Variants in HMGXB4 observed in about 807,000 individuals in gnomAD.
The protein encoded by HMGXB4 is HMG domain-containing protein 4.
A neutral mutation model predicts 63.9 loss-of-function variants in HMGXB4; 27 were observed. The observed-to-expected ratio is 0.42, with a 90% CI of 0.31 to 0.58. The LOEUF is 0.58. HMGXB4 is among the 20% of genes least tolerant of loss of function. HMGXB4 has a pLI of 0.13. For missense variants in HMGXB4, 624 were observed against 700.7 expected, an observed-to-expected ratio of 0.89 and a Z score of 1.24; for synonymous variants, 264 against 265.3, an observed-to-expected ratio of 0.99 and a Z score of 0.05.
chr22:35,282,181 T>G (rs186522329), intron 5 of HMGXB4, among the ~76,000 whole-genome samples: 27 of 152,270 alleles, frequency 1.8e-4, no homozygotes, highest in Non-Finnish European at 3.8e-4. Flanking sequence ...CATGTCATAT[T>G]TTTTGTTGTT....
At chr22:35,292,969 C>T in intron 9 of HMGXB4, 23 bp from the exon 10 acceptor site, 2 of 1,614,132 alleles carry the variant, frequency 1.2e-6, no homozygotes, top group Non-Finnish European at 8.5e-7. Flanking sequence ...GTGACTCAAG[C>T]AACAACCTCC....
intron 4 of HMGXB4, chr22:35,264,096 G>C: frequency 6.6e-7 from 1 of 1,519,498 alleles, no homozygotes; most frequent in Non-Finnish European, 8.9e-7. Flanking sequence ...TGATACACCA[G>C]GTACCAGGTT....
At chr22:35,243,259 A>T in the HMGXB4 span, among the ~76,000 whole-genome samples, 1 of 152,054 alleles carries the variant, frequency 6.6e-6, no homozygotes, top group Admixed American at 6.6e-5. Flanking sequence ...AATCCCAACT[A>T]CTTGGGAGGC....
the HMGXB4 span, among the ~76,000 whole-genome samples, chr22:35,245,360 T>C: frequency 6.6e-6 from 1 of 151,198 alleles, no homozygotes; most frequent in African/African-American, 2.4e-5. Flanking sequence ...GACTATCTTT[T>C]TTCTCTTTTT....
At chr22:35,272,677 C>G (rs1243910864) in intron 5 of HMGXB4, among the ~76,000 whole-genome samples, 2 of 152,174 alleles carry the variant, frequency 1.3e-5, no homozygotes, top group Admixed American at 6.5e-5. Flanking sequence ...TGGCTCACAC[C>G]TGTAATCCAG....
chr22:35,259,577 C>A (rs1364840856), intron 1 of HMGXB4, among the ~76,000 whole-genome samples: 2 of 152,206 alleles, frequency 1.3e-5, no homozygotes, highest in African/African-American at 4.8e-5. Context: ...CTGAACTCTG[C>A]CTTTCTTTCA....
intron 1 of HMGXB4, among the ~76,000 whole-genome samples, chr22:35,261,505 G>A (rs1405153957): frequency 6.6e-6 from 1 of 150,982 alleles, no homozygotes; most frequent in Non-Finnish European, 1.5e-5. Context: ...AAGTCAAAAT[G>A]GACATATAAA....
intron 4 of HMGXB4, 91 bp downstream of exon 4, chr22:35,263,965 A>C: frequency 6.3e-7 from 1 of 1,586,406 alleles, no homozygotes; most frequent in Non-Finnish European, 8.6e-7. Context: ...TTGCTGACTC[A>C]GTGGCCTATT....
intron 5 of HMGXB4, among the ~76,000 whole-genome samples, chr22:35,281,429 A>G (rs1924238803): frequency 6.6e-6 from 1 of 152,232 alleles, no homozygotes; most frequent in African/African-American, 2.4e-5. Context: ...AAAGTCCTTT[A>G]TAAGAGTTAT....
Position 35,264,673 on chromosome 22 carries a change from GAAGAAA to G in HMGXB4, c.295_300del (p.Lys99_Lys100del), listed in dbSNP as rs1233494754. On this transcript the variant is annotated inframe_deletion, in exon 5 of 11. Coordinates refer to ENST00000216106, the MANE Select transcript of HMGXB4 (RefSeq NM_001003681.3). ...ATATTTCGTCTTTGGAATCGTCACA[GAAGAAA>G]AAGAAAAAGTCCAGCCCACAGTCTA... is the stretch of plus-strand genomic sequence containing the variant. The G allele has an allele frequency of 1.3e-6, 2 of 1,577,470 alleles. No homozygotes were observed. The highest frequency in any genetic ancestry group is 1.7e-6 in the Non-Finnish European group (2 of 1,165,566).
Position 35,265,415 on chromosome 22 carries a change from A to G in HMGXB4, c.1027A>G (p.Lys343Glu). 6.2e-7 allele frequency: 1 copy of G among 1,614,196 alleles called. No individual in the cohort carries two copies. Among genetic ancestry groups the G allele is most frequent in the Non-Finnish European group, 8.5e-7 (1 of 1,180,036 alleles). The part of the protein sequence containing the change: ...KHKEKRHSKS[K>E]RSLGLSAVPV... ...TAAAGAGAAGCGACACTCCAAGTCC[A>G]AGAGAAGTTTAGGACTTTCTGCCGT... is the stretch of plus-strand genomic sequence containing the variant. The change falls in exon 5 of 11, where the codon AAG becomes GAG. Residue 343 changes from lysine to glutamate, a missense_variant. By Grantham distance (56) the Lys-to-Glu change is moderately conservative. Around this residue, in one of 2 missense-constraint regions of HMGXB4, gnomAD observed 472 missense variants for 470.6 expected, o/e 1.00. Transcript: ENST00000216106.
chr22:35,291,060 C>T (rs141284122), intron 9 of HMGXB4, among the ~76,000 whole-genome samples: 9 of 152,210 alleles, frequency 5.9e-5, no homozygotes, highest in Middle Eastern at 3.4e-3. Context: ...GCTAGCAGTT[C>T]GAGACCAGCC....
intron 9 of HMGXB4, 80 bp downstream of exon 9, chr22:35,288,487 A>G (rs1415173493): frequency 2.6e-6 from 3 of 1,145,942 alleles, no homozygotes; most frequent in South Asian, 2.1e-5. Flanking sequence ...CTCATTTTAC[A>G]TACATGTATT....
the HMGXB4 span, among the ~76,000 whole-genome samples, chr22:35,242,315 T>A: frequency 1.2e-3 from 183 of 152,334 alleles, 3 homozygotes; most frequent in African/African-American, 4.2e-3. Flanking sequence ...CTGCTAAATT[T>A]AAATTATAAT....
At chr22:35,267,085 CTTATATCTATCTGT>C (rs68127138) in intron 5 of HMGXB4, among the ~76,000 whole-genome samples, 70,264 of 148,902 alleles carry the variant, frequency 0.47, 20,233 homozygotes, top group Non-Finnish European at 0.63. Flanking sequence ...AGAAAGTCTG[CTTATATCTATCTGT>C]TTATATCTAT....
rs538897196 is a variant in HMGXB4, at chr22:35,271,919, G to A, written c.1215+6316G>A. 2.0e-5 allele frequency among the ~76,000 whole-genome samples: 3 copies of A among 152,326 alleles called. No individual in the cohort carries two copies. The South Asian group carries it at 6.2e-4, about 32-fold the overall frequency. On this transcript the variant is annotated intron_variant, in intron 5 of 10. Transcript: ENST00000216106. ...CACATTGAAAACCCACATAAGCACT[G>A]TGAACCAAGAACATTGGAGAACTTT...
At chr22:35,241,677 C>A in the HMGXB4 span, among the ~76,000 whole-genome samples, 1 of 152,216 alleles carries the variant, frequency 6.6e-6, no homozygotes, top group South Asian at 2.1e-4. Flanking sequence ...TCAAGAACTT[C>A]CTCAAACAGA....
the HMGXB4 span, among the ~76,000 whole-genome samples, chr22:35,246,276 T>G: frequency 6.6e-6 from 1 of 151,890 alleles, no homozygotes; most frequent in Non-Finnish European, 1.5e-5. Context: ...AGCAATTATT[T>G]TCTTTTTTTT....
At position 35,288,283 on chromosome 22, in the gene HMGXB4, C is replaced by A; in HGVS notation, c.1514C>A (p.Thr505Asn). The A allele has an allele frequency of 6.2e-7, 1 of 1,608,038 alleles. No individual in the cohort carries two copies. The highest frequency in any genetic ancestry group is 8.5e-7 in the Non-Finnish European group (1 of 1,176,656). ...VLSPQKKSPPTTMLLPASPAK... is the reference protein window; with the variant it reads ...VLSPQKKSPPNTMLLPASPAK... ...TCACCCCAGAAGAAGTCCCCACCCA[C>A]CACCATGCTGTTACCAGCCTCACCA... The change falls in exon 9 of 11, where the codon ACC (threonine) becomes AAC (asparagine). Residue 505 changes from threonine (T) to asparagine (N), a missense_variant. This residue lies in a region of HMGXB4 where 152 missense variants were observed against 230.1 expected (regional missense o/e 0.66). Coordinates refer to ENST00000216106, the MANE Select transcript of HMGXB4 (RefSeq NM_001003681.3).
Sources: gnomAD v4.1 joint callset for allele counts (sites outside exome capture counted in the v4.1 genomes callset) on GRCh38, gnomAD v4.1.1 for gene constraint, gnomAD v4.1.1 regional missense constraint, MANE v1.5 for transcripts, NCBI Gene and HGNC (gene_info 2026-07-23, HGNC 2026-07-21) for gene names.